Variants in MED8 observed in about 807,000 individuals in gnomAD.
The protein encoded by MED8 is mediator of RNA polymerase II transcription subunit 8.
In MED8, 22 loss-of-function variants were observed where a neutral mutation model predicts 34.8. That is an observed-to-expected ratio of 0.63 (90% CI 0.45 to 0.90). The LOEUF (loss-of-function observed/expected upper bound fraction) is 0.90, where lower values mean the gene tolerates loss of function less well. Among genes scored for constraint, MED8 ranks in the 40% least tolerant of loss-of-function variants. The pLI, the probability that MED8 is intolerant of heterozygous loss-of-function variation, is 0.00. For missense variants in MED8, 260 were observed against 326.3 expected (o/e 0.80, Z 1.57); for synonymous variants, 105 against 120.2 (o/e 0.87, Z 0.83).
chr1:43,384,942 G>A lies in MED8; in HGVS notation c.*100C>T. 1.4e-6 allele frequency: 2 copies of A among 1,472,420 alleles called. No homozygotes were observed. The highest frequency in any genetic ancestry group is 5.0e-5 in the East Asian group (2 of 39,912). The allele number at this position is 1,472,420 out of a possible 1,614,324, so 91.2% of individuals were successfully genotyped here. A position where few individuals can be genotyped will look rare whatever the true frequency, so the allele number is the denominator to read the frequency against. ...GATTTGTCTGCTGCTGAAAGCCCAT[G>A]TTCTTTTTATTGTACCCATCTAGGT... On this transcript the variant is annotated 3_prime_UTR_variant, in exon 7 of 7. Transcript: ENST00000372457.
intron 1 of MED8, chr1:43,388,640 CCT>C: frequency 1.5e-6 from 1 of 664,184 alleles, no homozygotes; most frequent in Non-Finnish European, 2.4e-6. Flanking sequence ...GACCCCAAGT[CCT>C]TCCACCAACT....
chr1:43,387,770 T>C, intron 2 of MED8, 123 bp from the exon 3 acceptor site: 2 of 1,062,492 alleles, frequency 1.9e-6, no homozygotes, highest in Middle Eastern at 3.2e-4. Context: ...CATAGCCCTA[T>C]GACTAGCCTA....
chr1:43,384,947 T>C lies in MED8; in HGVS notation c.*95A>G, dbSNP rs976310940. 8.1e-6 allele frequency: 12 copies of C among 1,477,870 alleles called. No homozygotes were observed. The highest frequency in any genetic ancestry group is 1.1e-5 in the Non-Finnish European group (12 of 1,114,246). 91.5% of individuals were successfully genotyped at this position (1,477,870 alleles called of 1,614,324 possible). On this transcript the variant is annotated 3_prime_UTR_variant, in exon 7 of 7. Coordinates refer to ENST00000372457, the MANE Select transcript of MED8 (RefSeq NM_201542.5). ...GTCTGCTGCTGAAAGCCCATGTTCTTTTTATTGTACCCATCTAGGTGAGCC... is the reference window on the plus strand; with the variant it reads ...GTCTGCTGCTGAAAGCCCATGTTCTCTTTATTGTACCCATCTAGGTGAGCC...
intron 6 of MED8, chr1:43,385,739 A>C: frequency 3.6e-6 from 2 of 560,362 alleles, no homozygotes; most frequent in South Asian, 4.1e-5. Flanking sequence ...CAGAGATGTG[A>C]GATGCGGATG....
intron 6 of MED8, chr1:43,385,747 A>G: frequency 1.7e-6 from 1 of 581,814 alleles, no homozygotes; most frequent in Non-Finnish European, 3.0e-6. Flanking sequence ...TGAGATGCGG[A>G]TGAGAAATTG....
rs774578238 is a variant in MED8 at position 43,385,047 on chromosome 1, G to A, written c.802C>T (p.Arg268Trp). Residue 268 changes from arginine (R) to tryptophan (W), a missense_variant, in exon 7 of 7, where the codon CGG becomes TGG. Arg to Trp is a moderately radical substitution (Grantham distance 101). Coordinates refer to ENST00000372457, the MANE Select transcript of MED8 (RefSeq NM_201542.5). Reference protein sequence around the residue: ...IKSASMHPYQR With the variant: ...IKSASMHPYQW ...GTCGAGGTTGCCAGCCACACTCACC[G>A]CTGGTAGGGATGCATGGAAGCCGAC... 10 of 1,556,582 alleles carry A rather than the reference G, an allele frequency of 6.4e-6. No individual in the cohort carries two copies. The highest frequency in any genetic ancestry group is 3.9e-5 in the Admixed American group (2 of 51,578).
At chr1:43,388,454 A>C in intron 1 of MED8, 26 bp from the exon 2 acceptor site, 1 of 1,611,790 alleles carries the variant, frequency 6.2e-7, no homozygotes, top group Non-Finnish European at 8.5e-7. Flanking sequence ...CAGGTTGGTC[A>C]CCCAGATAAA....
At chr1:43,388,652 T>G (rs1442008176) in intron 1 of MED8, 6 of 589,320 alleles carry the variant, frequency 1.0e-5, no homozygotes, top group Admixed American at 3.2e-5. Flanking sequence ...TTCCACCAAC[T>G]GATTCCTTTT....
At position 43,385,970 on chromosome 1, in the gene MED8, C is replaced by T. The variant is rs1647712747; in HGVS notation, c.742+8G>A. On this transcript the variant is annotated splice_region_variant and intron_variant, in intron 6 of 6. Coordinates refer to ENST00000372457, the MANE Select transcript of MED8 (RefSeq NM_201542.5). The stretch of plus-strand genomic sequence containing the variant: ...AAGTCAGCTTCATTTCAACCCCTGC[C>T]ACCTTACCTGGTTGACCTGCCTGAG... 1 of 1,613,996 alleles carries T rather than the reference C, an allele frequency of 6.2e-7. No homozygotes were observed. Among genetic ancestry groups the T allele is most frequent in the Non-Finnish European group, 8.5e-7 (1 of 1,179,860 alleles).
In MED8 at chr1:43,385,234, G is replaced by A. The variant is rs181741358; in HGVS notation, c.743-128C>T. On this transcript the variant is annotated intron_variant, in intron 6 of 6. Coordinates refer to ENST00000372457, the MANE Select transcript of MED8 (RefSeq NM_201542.5). ...CAGAACCTCTGCGGCATCTGACCCT[G>A]TTTGACAGAGGTCAGAAGTATGATT... The A allele has an allele frequency of 1.1e-4, 137 of 1,216,680 alleles. No homozygotes were observed. The East Asian group carries it at 3.1e-3, about 27-fold the overall frequency. 75.4% of individuals were successfully genotyped at this position (1,216,680 alleles called of 1,614,324 possible). A position where few individuals can be genotyped will look rare whatever the true frequency, so the allele number is the denominator to read the frequency against.
Position 43,386,679 on chromosome 1 carries a change from CA to C in MED8, c.412-10del, listed in dbSNP as rs1557486269. ...AAGCTCTGGATCTGCTTCTGTAACACACAAATTTGTGCAGAGATTAGGGTAA... is the reference window on the plus strand; with the variant it reads ...AAGCTCTGGATCTGCTTCTGTAACACCAAATTTGTGCAGAGATTAGGGTAA... On this transcript the variant is annotated splice_polypyrimidine_tract_variant and intron_variant, in intron 4 of 6. Coordinates refer to ENST00000372457, the MANE Select transcript of MED8 (RefSeq NM_201542.5). This position sits in a 1 kb window ranked among gnomAD's most constrained non-coding sequence, Gnocchi z 4.9. 2 of 1,607,326 alleles carry C rather than the reference CA, an allele frequency of 1.2e-6. No individual in the cohort carries two copies. The highest frequency in any genetic ancestry group is 3.4e-5 in the Admixed American group (2 of 58,798).
chr1:43,386,826 G>T lies in MED8; in HGVS notation c.411+32C>A, dbSNP rs1647751345. ...GCCTAGCTTCTCATGATGGGATGGG[G>T]ATGGGGCAGCAAGGCAGTGACTCAG... On this transcript the variant is annotated intron_variant, in intron 4 of 6. Coordinates refer to ENST00000372457, the MANE Select transcript of MED8 (RefSeq NM_201542.5). The surrounding 1 kb of genome is among the most constrained non-coding windows in gnomAD (Gnocchi z 4.9). 6.2e-7 allele frequency: 1 copy of T among 1,613,024 alleles called. No individual in the cohort carries two copies. Among genetic ancestry groups the T allele is most frequent in the African/African-American group, 1.3e-5 (1 of 74,928 alleles).
At position 43,386,470 on chromosome 1, in the gene MED8, T is replaced by C. The variant is rs2153925702; in HGVS notation, c.493+119A>G. 1 of 1,208,894 alleles carries C rather than the reference T, an allele frequency of 8.3e-7. No homozygotes were observed. The highest frequency in any genetic ancestry group is 1.4e-5 in the South Asian group (1 of 72,380). The allele number at this position is 1,208,894 out of a possible 1,614,324, so 74.9% of individuals were successfully genotyped here. ...AAATACAAAAGGCTAACAGAATGGA[T>C]ACAAACCCCAAAGCAGTTCACCCTT... On this transcript the variant is annotated intron_variant, in intron 5 of 6. Transcript: ENST00000372457. This position sits in a 1 kb window ranked among gnomAD's most constrained non-coding sequence, Gnocchi z 4.9.
In MED8 at chr1:43,384,660, T is replaced by C. The variant is rs551813284; in HGVS notation, c.*382A>G. ...TGTGTCCATCAGCTCACCATTGACG[T>C]GAGGCAGTATCAGATTAGGGTAAGT... is the stretch of plus-strand genomic sequence containing the variant. On this transcript the variant is annotated 3_prime_UTR_variant, in exon 7 of 7. Coordinates refer to ENST00000372457, the MANE Select transcript of MED8 (RefSeq NM_201542.5). 2.8e-4 allele frequency: 415 copies of C among 1,470,602 alleles called. No homozygotes were observed. The highest frequency in any genetic ancestry group is 3.4e-4 in the Non-Finnish European group (381 of 1,111,220). The allele number at this position is 1,470,602 out of a possible 1,614,324, so 91.1% of individuals were successfully genotyped here.
chr1:43,385,441 C>A, intron 6 of MED8: 1 of 267,512 alleles, frequency 3.7e-6, no homozygotes, highest in Non-Finnish European at 7.2e-6. Context: ...AGTGCAGAAT[C>A]TCTCTTTAAT....
rs1298141958 is a variant in MED8, at chr1:43,389,760, T to G, written c.5A>C (p.Gln2Pro). ...TAGTACGCCCAACGCAACTCTCACC[T>G]GCATTGCGGCGGCCGAGGCGGCTGC... Reference protein sequence around the residue: MQREEKQLEASL... With the variant: MPREEKQLEASL... Residue 2 changes from glutamine (Q) to proline (P), a missense_variant and splice_region_variant, in exon 1 of 7, where the codon CAG (glutamine) becomes CCG (proline). Physicochemically the swap from Gln to Pro is moderately conservative, Grantham distance 76. Coordinates refer to ENST00000372457, the MANE Select transcript of MED8 (RefSeq NM_201542.5). 5 of 1,608,736 alleles carry G rather than the reference T, an allele frequency of 3.1e-6. No individual in the cohort carries two copies. The African/African-American group carries it at 4.0e-5, about 13-fold the overall frequency.
chr1:43,384,188 T>G lies in MED8; in HGVS notation c.*854A>C. 2.9e-6 allele frequency: 1 copy of G among 346,978 alleles called. No homozygotes were observed. Among genetic ancestry groups the G allele is most frequent in the Middle Eastern group, 7.8e-4 (1 of 1,280 alleles). 21.5% of individuals were successfully genotyped at this position (346,978 alleles called of 1,614,324 possible). ...GCCAAAGTCGAGAAAGTGGGCACCATTATGAGGTCAACTAAACCCTGATGG... is the reference window on the plus strand; with the variant it reads ...GCCAAAGTCGAGAAAGTGGGCACCAGTATGAGGTCAACTAAACCCTGATGG... On this transcript the variant is annotated 3_prime_UTR_variant, in exon 7 of 7. Transcript: ENST00000372457.
chr1:43,385,147 A>T (rs1386491539), intron 6 of MED8, 41 bp from the exon 7 acceptor site: 1 of 1,547,532 alleles, frequency 6.5e-7, no homozygotes, highest in Non-Finnish European at 8.7e-7. Flanking sequence ...GCAAGGTAAG[A>T]CTTTCATGAC....
In MED8 at chr1:43,386,066, T is replaced by C; in HGVS notation, c.654A>G (p.Ser218=). The stretch of plus-strand genomic sequence containing the variant: ...CTGCCATCTGCACCTGCTGTAATCC[T>C]GAGGTTCCTGCAAGGATCGTCCCAG... The part of the protein sequence containing the change: ...PGAGTILAGT[S]GLQQVQMAGA... The change falls in exon 6 of 7, where the codon TCA becomes TCG. Residue 218 remains serine (S), a synonymous_variant. Coordinates refer to ENST00000372457, the MANE Select transcript of MED8 (RefSeq NM_201542.5). The surrounding 1 kb of genome is among the most constrained non-coding windows in gnomAD (Gnocchi z 4.9). 1 of 1,614,034 alleles carries C rather than the reference T, an allele frequency of 6.2e-7. No homozygotes were observed. Among genetic ancestry groups the C allele is most frequent in the Non-Finnish European group, 8.5e-7 (1 of 1,179,894 alleles).
Sources: allele counts gnomAD v4.1 joint callset, GRCh38; gene constraint gnomAD v4.1.1; non-coding constraint Gnocchi (gnomAD v3.1); transcripts MANE v1.5; gene names NCBI Gene and HGNC (gene_info 2026-07-23, HGNC 2026-07-21).